Variants in TRAPPC9 observed in about 807,000 individuals in gnomAD.
TRAPPC9 encodes the protein IKK2 binding protein.
A neutral mutation model predicts 124.0 loss-of-function variants in TRAPPC9; 83 were observed. The observed-to-expected ratio is 0.67, with a 90% CI of 0.56 to 0.80. The LOEUF is 0.80. Ranked by LOEUF, TRAPPC9 falls within the 30% of genes least tolerant of loss-of-function variation. TRAPPC9 has a pLI of 0.00. For synonymous variants in TRAPPC9, 638 were observed against 617.5 expected (o/e 1.03, Z -0.49); for missense variants, 1,302 against 1,508.3 (o/e 0.86, Z 2.27).
intron 14 of TRAPPC9, among the ~76,000 whole-genome samples, chr8:140,280,082 C>T (rs761138145): frequency 5.3e-4 from 81 of 152,192 alleles, no homozygotes; most frequent in Non-Finnish European, 1.1e-3. Flanking sequence ...GGCCTGTGAG[C>T]GCGTGCCGTG....
chr8:139,794,529 T>C (rs1822915083), intron 21 of TRAPPC9, among the ~76,000 whole-genome samples: 1 of 152,144 alleles, frequency 6.6e-6, no homozygotes, highest in Admixed American at 6.5e-5. Flanking sequence ...GTGCTGGCAT[T>C]TCCACAACAG....
At chr8:140,358,346 C>T (rs1024362697) in intron 9 of TRAPPC9, among the ~76,000 whole-genome samples, 6 of 152,310 alleles carry the variant, frequency 3.9e-5, no homozygotes, top group Non-Finnish European at 7.3e-5. Context: ...GCTGGGATTA[C>T]AGGGGCCTGC....
At chr8:139,756,158 T>A (rs1291692550) in intron 21 of TRAPPC9, among the ~76,000 whole-genome samples, 3 of 80,408 alleles carry the variant, frequency 3.7e-5, no homozygotes, top group African/African-American at 6.2e-5. Flanking sequence ...GGAGCCAGGG[T>A]TTGGGGATGA....
chr8:139,802,172 C>T (rs962314033), intron 21 of TRAPPC9, among the ~76,000 whole-genome samples: 4 of 152,194 alleles, frequency 2.6e-5, no homozygotes, highest in African/African-American at 4.8e-5. Context: ...CTGTGCCAGG[C>T]GGGGAGCAAG....
At chr8:140,281,423 AC>A (rs1355349310) in intron 14 of TRAPPC9, among the ~76,000 whole-genome samples, 1 of 152,132 alleles carries the variant, frequency 6.6e-6, no homozygotes, top group Non-Finnish European at 1.5e-5. Context: ...TGAAATAGGT[AC>A]TCAAATCTCT....
intron 20 of TRAPPC9, among the ~76,000 whole-genome samples, chr8:139,903,283 C>A (rs1831134370): frequency 6.6e-6 from 1 of 152,174 alleles, no homozygotes; most frequent in Non-Finnish European, 1.5e-5. Context: ...CTAACTCACT[C>A]TCAAAGCAGC....
intron 21 of TRAPPC9, among the ~76,000 whole-genome samples, chr8:139,869,267 C>T (rs549320209): frequency 1.3e-5 from 2 of 152,094 alleles, no homozygotes; most frequent in African/African-American, 4.8e-5. Flanking sequence ...ACCAGCCAAA[C>T]AAAAAGAAGG....
At chr8:140,329,061 G>T (rs1449990125) in intron 9 of TRAPPC9, among the ~76,000 whole-genome samples, 1 of 152,090 alleles carries the variant, frequency 6.6e-6, no homozygotes, top group African/African-American at 2.4e-5. Flanking sequence ...AGTATACCGG[G>T]CACAAGCGGA....
At chr8:140,090,754 T>C (rs1431934520) in intron 17 of TRAPPC9, among the ~76,000 whole-genome samples, 1 of 152,264 alleles carries the variant, frequency 6.6e-6, no homozygotes, top group Non-Finnish European at 1.5e-5. Context: ...GGCATCTCAT[T>C]AATGCCTGGC....
chr8:140,292,977 G>T (rs1205303935), intron 11 of TRAPPC9, among the ~76,000 whole-genome samples: 1 of 143,550 alleles, frequency 7.0e-6, no homozygotes, highest in African/African-American at 2.7e-5. Flanking sequence ...CTGACAAAGG[G>T]CTAATATCCA....
At chr8:140,034,766 C>T (rs1587548693) in intron 17 of TRAPPC9, among the ~76,000 whole-genome samples, 1 of 152,380 alleles carries the variant, frequency 6.6e-6, no homozygotes, top group East Asian at 1.9e-4. Context: ...CTCAACAGCT[C>T]ACCACTATCG....
Position 140,280,913 on chromosome 8 carries a change from T to G in TRAPPC9, c.2114+2976A>C, listed in dbSNP as rs1389317318. On this transcript the variant is annotated intron_variant, in intron 14 of 22. Coordinates refer to ENST00000438773, the MANE Select transcript of TRAPPC9 (RefSeq NM_001160372.4). ...ACTCACGCTCTGCGCCTCTTACATC[T>G]GGCTTCTTGCACTCAGCAGCTCGCC... Among the ~76,000 whole-genome samples, 3 of 152,360 alleles carry G rather than the reference T, an allele frequency of 2.0e-5. No homozygotes were observed. The East Asian group carries it at 5.8e-4, about 29-fold the overall frequency.
At chr8:139,982,678 T>A (rs941366073) in intron 19 of TRAPPC9, among the ~76,000 whole-genome samples, 1 of 152,226 alleles carries the variant, frequency 6.6e-6, no homozygotes, top group Admixed American at 6.5e-5. Context: ...AGCTGAGGAA[T>A]GAGTCACTAA....
rs1817696613 is a variant in TRAPPC9, at chr8:139,729,427, T to A, written c.*1634A>T. ...GCTGAGGCATCCTGAACGGAAGGGC[T>A]GAAGAGACCGCCCTGGGGTCTCCAC... On this transcript the variant is annotated 3_prime_UTR_variant, in exon 23 of 23. Transcript: ENST00000438773. Among the ~76,000 whole-genome samples, 1 of 152,216 alleles carries A rather than the reference T, an allele frequency of 6.6e-6. No individual in the cohort carries two copies. Among genetic ancestry groups the A allele is most frequent in the African/African-American group, 2.4e-5 (1 of 41,438 alleles).
At chr8:139,938,771 G>A (rs888091573) in intron 19 of TRAPPC9, among the ~76,000 whole-genome samples, 3 of 150,486 alleles carry the variant, frequency 2.0e-5, no homozygotes, top group South Asian at 2.1e-4. Context: ...TCAGCCTCCC[G>A]AGTAGCTGGG....
intron 7 of TRAPPC9, among the ~76,000 whole-genome samples, chr8:140,384,016 C>G (rs1427287806): frequency 6.6e-6 from 1 of 152,094 alleles, no homozygotes; most frequent in Non-Finnish European, 1.5e-5. Flanking sequence ...ATTCAACATG[C>G]TTAAAGAAAA....
At chr8:140,237,257 A>G (rs1433251862) in intron 16 of TRAPPC9, among the ~76,000 whole-genome samples, 1 of 151,790 alleles carries the variant, frequency 6.6e-6, no homozygotes, top group Non-Finnish European at 1.5e-5. Context: ...AAGCTCCTGA[A>G]CAATCATCTA....
chr8:139,901,405 A>T (rs1176410762), intron 20 of TRAPPC9, among the ~76,000 whole-genome samples: 2 of 152,362 alleles, frequency 1.3e-5, no homozygotes, highest in East Asian at 3.9e-4. Flanking sequence ...ATGAACTTTC[A>T]GAATGCTGAT....
chr8:139,807,535 G>T (rs1219894274), intron 21 of TRAPPC9, among the ~76,000 whole-genome samples: 2 of 152,144 alleles, frequency 1.3e-5, no homozygotes, highest in Non-Finnish European at 2.9e-5. Flanking sequence ...ACAAAAATCT[G>T]CAAGGAAAAC....
Sources: gnomAD v4.1 joint callset for allele counts (sites outside exome capture counted in the v4.1 genomes callset) on GRCh38, gnomAD v4.1.1 for gene constraint, MANE v1.5 for transcripts, NCBI Gene and HGNC (gene_info 2026-07-23, HGNC 2026-07-21) for gene names.